The following TENM3 variants were observed in gnomAD, a reference collection of about 807,000 sequenced individuals.
The protein encoded by TENM3 is teneurin transmembrane protein 3, also known as teneurin-3.
In TENM3, 63 loss-of-function variants were observed where a neutral mutation model predicts 255.1. That is an observed-to-expected ratio of 0.25 (90% CI 0.20 to 0.30). TENM3 has a LOEUF of 0.30. Among genes scored for constraint, TENM3 ranks in the 10% least tolerant of loss-of-function variants. The pLI is 1.00. For synonymous variants in TENM3, 1,306 were observed against 1,322.3 expected, an observed-to-expected ratio of 0.99 and a Z score of 0.27; for missense variants, 2,929 against 3,461.1, an observed-to-expected ratio of 0.85 and a Z score of 3.86.
intron 7 of TENM3, among the ~76,000 whole-genome samples, chr4:182,676,397 C>T (rs756008810): frequency 6.6e-6 from 1 of 152,162 alleles, no homozygotes; most frequent in African/African-American, 2.4e-5. Context: ...CCCTCACCAC[C>T]TTTTCACTGT....
chr4:182,633,543 T>C (rs1751581660), intron 5 of TENM3, among the ~76,000 whole-genome samples: 1 of 152,198 alleles, frequency 6.6e-6, no homozygotes, highest in Admixed American at 6.5e-5. Flanking sequence ...CTCACGCCAA[T>C]GGCTAGTGAG....
Position 182,445,263 on chromosome 4 carries a change from C to T in TENM3, c.511+98334C>T, listed in dbSNP as rs546615265. ...TGATTAACTTCTCTAAGCTCCAGTT[C>T]TTCATCTATAAAATGGGATGATATT... On this transcript the variant is annotated intron_variant, in intron 3 of 27. Coordinates refer to ENST00000511685, the MANE Select transcript of TENM3 (RefSeq NM_001080477.4). 1.8e-3 allele frequency among the ~76,000 whole-genome samples: 274 copies of T among 152,282 alleles called. 2 individuals are homozygous for T. The highest frequency in any genetic ancestry group is 2.9e-3 in the Non-Finnish European group (199 of 68,018).
At chr4:182,274,971 C>T (rs57273933) in intron 1 of TENM3, among the ~76,000 whole-genome samples, 3,817 of 152,060 alleles carry the variant, frequency 0.025, 114 homozygotes, top group African/African-American at 0.059. Flanking sequence ...ATTACAGGCA[C>T]GCACCACCAC....
At chr4:182,502,003 G>GAAACCACTTGTGTGA (rs1206055177) in intron 3 of TENM3, among the ~76,000 whole-genome samples, 2 of 152,030 alleles carry the variant, frequency 1.3e-5, no homozygotes, top group Non-Finnish European at 1.5e-5. Flanking sequence ...CACTTGTATG[G>GAAACCACTTGTGTGA]AAACCACTTG....
the TENM3 span, among the ~76,000 whole-genome samples, chr4:181,766,931 T>G: frequency 6.6e-6 from 1 of 152,064 alleles, no homozygotes; most frequent in Non-Finnish European, 1.5e-5. Context: ...TTGGAGATAT[T>G]TTTAAAAATA....
chr4:181,458,829 C>G, the TENM3 span, among the ~76,000 whole-genome samples: 1 of 151,754 alleles, frequency 6.6e-6, no homozygotes, highest in Non-Finnish European at 1.5e-5. Flanking sequence ...GTAATCAATT[C>G]CCTTGTTATT....
chr4:182,572,688 C>G (rs142889595), intron 3 of TENM3, among the ~76,000 whole-genome samples: 14 of 152,210 alleles, frequency 9.2e-5, no homozygotes, highest in Non-Finnish European at 2.1e-4. Context: ...AAATTGAAGG[C>G]AATCAGGTTA....
the TENM3 span, among the ~76,000 whole-genome samples, chr4:182,046,435 G>A: frequency 5.0e-4 from 76 of 152,032 alleles, no homozygotes; most frequent in African/African-American, 1.7e-3. Context: ...AGCACCTTTA[G>A]GCCAAGCATG....
intron 1 of TENM3, among the ~76,000 whole-genome samples, chr4:182,229,772 C>T (rs1250204321): frequency 2.0e-5 from 3 of 152,138 alleles, no homozygotes; most frequent in Non-Finnish European, 2.9e-5. Context: ...ATTTCCATTT[C>T]TCTTGTGATA....
the TENM3 span, among the ~76,000 whole-genome samples, chr4:181,629,226 G>A: frequency 6.6e-6 from 1 of 152,152 alleles, no homozygotes. Flanking sequence ...CAGCTATAAG[G>A]AGATTTTGGG....
chr4:181,710,995 T>C, the TENM3 span, among the ~76,000 whole-genome samples: 1 of 152,166 alleles, frequency 6.6e-6, no homozygotes, highest in East Asian at 1.9e-4. Context: ...ATGTATATAT[T>C]GTTTACTAAA....
At chr4:181,731,749 C>T in the TENM3 span, among the ~76,000 whole-genome samples, 4 of 152,182 alleles carry the variant, frequency 2.6e-5, no homozygotes, top group Non-Finnish European at 5.9e-5. Flanking sequence ...AAAGGAACAA[C>T]TGTTGTCTTT....
At chr4:182,766,948 A>T (rs1414247823) in intron 22 of TENM3, among the ~76,000 whole-genome samples, 1 of 152,054 alleles carries the variant, frequency 6.6e-6, no homozygotes, top group African/African-American at 2.4e-5. Context: ...GACCAAACTC[A>T]CGTAAAATAA....
chr4:181,922,519 C>T, the TENM3 span, among the ~76,000 whole-genome samples: 153 of 152,074 alleles, frequency 1.0e-3, no homozygotes, highest in Non-Finnish European at 1.8e-3. Flanking sequence ...AGTTTATTTG[C>T]GTAGAGGTGT....
chr4:181,554,694 A>C, the TENM3 span, among the ~76,000 whole-genome samples: 8 of 152,228 alleles, frequency 5.3e-5, no homozygotes, highest in Non-Finnish European at 1.0e-4. Context: ...TGAGAGGAGA[A>C]TGTTTGATGC....
the TENM3 span, among the ~76,000 whole-genome samples, chr4:181,888,602 G>A: frequency 2.3e-5 from 3 of 129,292 alleles, no homozygotes; most frequent in South Asian, 5.0e-4. Flanking sequence ...GTGTGTGTGT[G>A]TGTGTGTGTG....
the TENM3 span, among the ~76,000 whole-genome samples, chr4:181,662,192 A>G: frequency 1.3e-5 from 2 of 152,208 alleles, no homozygotes; most frequent in African/African-American, 4.8e-5. Flanking sequence ...CGGAGGTTTT[A>G]TCCACTCTGG....
the TENM3 span, among the ~76,000 whole-genome samples, chr4:181,469,629 G>A: frequency 4.6e-5 from 7 of 152,054 alleles, no homozygotes; most frequent in South Asian, 2.1e-4. Flanking sequence ...AAGACATTTT[G>A]AAATGTCTGT....
intron 3 of TENM3, among the ~76,000 whole-genome samples, chr4:182,450,224 A>G (rs1294184655): frequency 1.3e-5 from 2 of 152,218 alleles, no homozygotes; most frequent in Admixed American, 1.3e-4. Flanking sequence ...CTGGTTTTAA[A>G]TGTTTCAGAG....
Sources: allele counts gnomAD v4.1 joint callset (sites outside exome capture counted in the v4.1 genomes callset), GRCh38; gene constraint gnomAD v4.1.1; transcripts MANE v1.5; gene names NCBI Gene and HGNC (gene_info 2026-07-23, HGNC 2026-07-21).